The following SUCLG2 variants were observed in gnomAD, a reference collection of about 807,000 sequenced individuals.
The protein encoded by SUCLG2 is succinate-CoA ligase GDP-forming subunit beta, also known as succinate--CoA ligase [GDP-forming] subunit beta, mitochondrial.
A neutral mutation model predicts 47.9 loss-of-function variants in SUCLG2; 42 were observed. The ratio of observed to expected loss-of-function variants is 0.88; its 90% CI spans 0.69 to 1.14. The LOEUF (loss-of-function observed/expected upper bound fraction) is 1.14, where lower values mean the gene tolerates loss of function less well. Ranked by LOEUF, SUCLG2 falls within the 50% of genes most tolerant of loss-of-function variation. SUCLG2 has a pLI of 0.00. For synonymous variants in SUCLG2, 195 were observed against 197.3 expected, an observed-to-expected ratio of 0.99 and a Z score of 0.10; for missense variants, 571 against 525.9, an observed-to-expected ratio of 1.09 and a Z score of -0.84.
chr3:67,437,654 A>T (rs1220048439), intron 9 of SUCLG2, among the ~76,000 whole-genome samples: 5 of 151,894 alleles, frequency 3.3e-5, no homozygotes, highest in Admixed American at 6.6e-5. Context: ...ATTTTTTTTT[A>T]AAAGAAGAGG....
chr3:67,422,717 G>T (rs892074753), intron 9 of SUCLG2, among the ~76,000 whole-genome samples: 3 of 151,962 alleles, frequency 2.0e-5, no homozygotes, highest in Non-Finnish European at 4.4e-5. Context: ...CAGTTTAATA[G>T]CTACTTCACC....
At chr3:67,597,863 G>A (rs764730505) in intron 2 of SUCLG2, among the ~76,000 whole-genome samples, 3 of 151,934 alleles carry the variant, frequency 2.0e-5, no homozygotes, top group Non-Finnish European at 4.4e-5. Flanking sequence ...GCTTGAACCT[G>A]GGAGGCAGAG....
chr3:67,636,853 C>G (rs998336819), intron 1 of SUCLG2, among the ~76,000 whole-genome samples: 2 of 151,080 alleles, frequency 1.3e-5, no homozygotes, highest in African/African-American at 4.9e-5. Flanking sequence ...CTCAGAGATC[C>G]TGGTGGAGGA....
At chr3:67,621,717 T>A (rs1700740319) in intron 1 of SUCLG2, among the ~76,000 whole-genome samples, 2 of 152,050 alleles carry the variant, frequency 1.3e-5, no homozygotes, top group Admixed American at 6.5e-5. Flanking sequence ...TCACCATGCA[T>A]CCCTTGGGGA....
chr3:67,503,567 G>A (rs960500367), intron 7 of SUCLG2, among the ~76,000 whole-genome samples: 4 of 152,132 alleles, frequency 2.6e-5, no homozygotes, highest in African/African-American at 9.7e-5. Context: ...AATACAAAAT[G>A]CATTTTCAGA....
intron 9 of SUCLG2, among the ~76,000 whole-genome samples, chr3:67,483,632 C>T (rs1193539453): frequency 6.6e-6 from 1 of 152,212 alleles, no homozygotes; most frequent in East Asian, 1.9e-4. Context: ...TCACTCACTG[C>T]TTTATCCTCA....
chr3:67,566,662 T>A (rs1707460468), intron 2 of SUCLG2, among the ~76,000 whole-genome samples: 1 of 152,184 alleles, frequency 6.6e-6, no homozygotes, highest in Non-Finnish European at 1.5e-5. Context: ...CTTCCAATGA[T>A]TCACTTTTCT....
intron 9 of SUCLG2, among the ~76,000 whole-genome samples, chr3:67,420,674 G>A (rs968650925): frequency 1.3e-5 from 2 of 152,064 alleles, no homozygotes; most frequent in African/African-American, 2.4e-5. Context: ...GACACATGTA[G>A]GAGTCCTTTT....
At chr3:67,444,755 C>T (rs1461251702) in intron 9 of SUCLG2, among the ~76,000 whole-genome samples, 1 of 19,190 alleles carries the variant, frequency 5.2e-5, no homozygotes, top group East Asian at 2.0e-3. Flanking sequence ...TCTGCCCAGC[C>T]GCCCCTACTG....
At chr3:67,432,250 T>C (rs1315669293) in intron 9 of SUCLG2, among the ~76,000 whole-genome samples, 9 of 152,208 alleles carry the variant, frequency 5.9e-5, no homozygotes, top group African/African-American at 2.2e-4. Flanking sequence ...TTATTAAACT[T>C]GTTTCAGTAA....
At position 67,493,765 on chromosome 3, in the gene SUCLG2, G is replaced by T. The variant is rs182085408; in HGVS notation, c.1062+2033C>A. 2.6e-5 allele frequency among the ~76,000 whole-genome samples: 4 copies of T among 152,146 alleles called. No homozygotes were observed. The South Asian group carries it at 8.3e-4, about 32-fold the overall frequency. On this transcript the variant is annotated intron_variant, in intron 9 of 10. Coordinates refer to ENST00000307227, the MANE Select transcript of SUCLG2 (RefSeq NM_003848.4). ...GTCTCGGTATTTACAGATTTCAATT[G>T]GTTTGGGAATCTCTGGGAGGAAAAT...
At chr3:67,602,726 A>G (rs1025420847) in intron 2 of SUCLG2, among the ~76,000 whole-genome samples, 12 of 152,198 alleles carry the variant, frequency 7.9e-5, no homozygotes, top group Non-Finnish European at 1.5e-4. Context: ...AGCATTTGCA[A>G]GCGAGCATGA....
At chr3:67,396,972 A>G (rs1702545631) in intron 10 of SUCLG2, among the ~76,000 whole-genome samples, 1 of 151,584 alleles carries the variant, frequency 6.6e-6, no homozygotes, top group Non-Finnish European at 1.5e-5. Flanking sequence ...AAATTCAACA[A>G]CCCTTCATGC....
chr3:67,457,369 A>G (rs6802566), intron 9 of SUCLG2, among the ~76,000 whole-genome samples: 90,422 of 151,852 alleles, frequency 0.6, 27,679 homozygotes, highest in Admixed American at 0.69. Flanking sequence ...TTTTGGTGGG[A>G]AACATGTGCA....
intron 10 of SUCLG2, among the ~76,000 whole-genome samples, chr3:67,397,106 C>T (rs1327622801): frequency 6.6e-6 from 1 of 151,428 alleles, no homozygotes; most frequent in Non-Finnish European, 1.5e-5. Flanking sequence ...CCTTTGAAAA[C>T]TGGCACAAGA....
intron 2 of SUCLG2, among the ~76,000 whole-genome samples, chr3:67,580,960 C>G (rs535187593): frequency 2.7e-4 from 41 of 152,210 alleles, no homozygotes; most frequent in African/African-American, 9.6e-4. Context: ...AAATACCTTC[C>G]GAAAATATGA....
intron 9 of SUCLG2, among the ~76,000 whole-genome samples, chr3:67,479,938 A>T (rs1704867736): frequency 6.6e-6 from 1 of 152,224 alleles, no homozygotes; most frequent in Admixed American, 6.5e-5. Flanking sequence ...CTTAATTCTC[A>T]TCTGGGTAAC....
At chr3:67,606,229 AG>A (rs1700415936) in intron 2 of SUCLG2, among the ~76,000 whole-genome samples, 1 of 152,120 alleles carries the variant, frequency 6.6e-6, no homozygotes, top group Admixed American at 6.6e-5. Context: ...AATAAATACA[AG>A]TAAAAAGCAT....
chr3:67,554,406 C>T lies in SUCLG2; in HGVS notation c.227-25220G>A, dbSNP rs540739542. On this transcript the variant is annotated intron_variant, in intron 2 of 10. Transcript: ENST00000307227. ...TGATGTCATGCAATAGAATTCTTTA[C>T]ACTCAGCTGTAATTCTTACAAACTT... is the stretch of plus-strand genomic sequence containing the variant. Among the ~76,000 whole-genome samples the T allele has an allele frequency of 2.5e-3, 381 of 152,262 alleles. 1 individual carries two copies. The highest frequency in any genetic ancestry group is 4.3e-3 in the Non-Finnish European group (293 of 68,028).
Sources: allele counts gnomAD v4.1 joint callset (sites outside exome capture counted in the v4.1 genomes callset), GRCh38; gene constraint gnomAD v4.1.1; transcripts MANE v1.5; gene names NCBI Gene and HGNC (gene_info 2026-07-23, HGNC 2026-07-21).